ASGR2: variants seen among roughly 807,000 people sequenced by gnomAD.
The protein encoded by ASGR2 is asialoglycoprotein receptor 2, also known as C-type lectin domain family 4 member H2.
ASGR2 carries 34 observed loss-of-function variants against 32.3 expected under a neutral mutation model. The ratio of observed to expected loss-of-function variants is 1.05; its 90% confidence interval spans 0.80 to 1.40. The LOEUF (loss-of-function observed/expected upper bound fraction) is 1.40, where lower values mean the gene tolerates loss of function less well. Ranked by LOEUF, ASGR2 falls within the 40% of genes most tolerant of loss-of-function variation. The pLI is 0.00. For missense variants in ASGR2, 385 were observed against 386.4 expected (o/e 1.00, Z 0.03); for synonymous variants, 143 against 150.0 (o/e 0.95, Z 0.34).
chr17:7,108,506 A>G lies in ASGR2; in HGVS notation c.293T>C (p.Phe98Ser), dbSNP rs199742401. 188 of 1,609,606 alleles carry G rather than the reference A, an allele frequency of 1.2e-4. No homozygotes were observed. The highest frequency in any genetic ancestry group is 6.6e-4 in the Middle Eastern group (4 of 6,030). Residue 98 changes from phenylalanine to serine, a missense_variant, in exon 4 of 9, where the codon TTC becomes TCC. By Grantham distance (155) the Phe-to-Ser change is radical (BLOSUM62 -2). Coordinates refer to ENST00000691900, the MANE Select transcript of ASGR2 (RefSeq NM_001201352.2). The surrounding 1 kb of genome is among the most constrained non-coding windows in gnomAD (Gnocchi z 4.9). ...GACCTCCGTCAGGGTGCTCGAGGAG[A>G]AGTTGCTGAAAGCTTCCTTCAGGCT... is the stretch of plus-strand genomic sequence containing the variant. ...LRSLKEAFSN[F>S]SSSTLTEVQA...
At position 7,108,664 on chromosome 17, in the gene ASGR2, C is replaced by T; in HGVS notation, c.242-107G>A. The stretch of plus-strand genomic sequence containing the variant: ...CCCGCATTTGCCCCAGCTTGTGCTC[C>T]ACCCCGCCTCCATCCCTTCCCCTCC... On this transcript the variant is annotated intron_variant, in intron 3 of 8. Coordinates refer to ENST00000691900, the MANE Select transcript of ASGR2 (RefSeq NM_001201352.2). The surrounding 1 kb of genome is among the most constrained non-coding windows in gnomAD (Gnocchi z 4.9). 3 of 1,602,852 alleles carry T rather than the reference C, an allele frequency of 1.9e-6. No homozygotes were observed. The South Asian group carries it at 3.3e-5, about 18-fold the overall frequency.
At position 7,107,582 on chromosome 17, in the gene ASGR2, CAG is replaced by C; in HGVS notation, c.409+252_409+253del. On this transcript the variant is annotated intron_variant, in intron 5 of 8. Coordinates refer to ENST00000691900, the MANE Select transcript of ASGR2 (RefSeq NM_001201352.2). This position sits in a 1 kb window ranked among gnomAD's most constrained non-coding sequence, Gnocchi z 5.0. ...ACACATATACCATACCGCACACACA[CAG>C]ACTCATCTCACACACACCACCACAC... The C allele has an allele frequency of 1.6e-6, 1 of 641,040 alleles. No individual in the cohort carries two copies. Among genetic ancestry groups the C allele is most frequent in the Non-Finnish European group, 2.8e-6 (1 of 362,232 alleles). 39.7% of individuals were successfully genotyped at this position (641,040 alleles called of 1,614,324 possible).
Position 7,113,707 on chromosome 17 carries a change from C to CACACA in ASGR2, c.124+409_124+410insTGTGT, listed in dbSNP as rs751061543. On this transcript the variant is annotated intron_variant, in intron 2 of 8. Coordinates refer to ENST00000691900, the MANE Select transcript of ASGR2 (RefSeq NM_001201352.2). This position sits in a 1 kb window ranked among gnomAD's most constrained non-coding sequence, Gnocchi z 5.1. ...TCACACAACATACACACACAACACA[C>CACACA]TCTCACACACAACATACCCTCTCAC... 0.022 allele frequency among the ~76,000 whole-genome samples: 2,646 copies of CACACA among 122,154 alleles called. 32 individuals are homozygous for CACACA. The highest frequency in any genetic ancestry group is 0.034 in the East Asian group (127 of 3,788). The allele number at this position is 122,154 out of a possible 152,430, so 80.1% of individuals were successfully genotyped here.
At position 7,108,888 on chromosome 17, in the gene ASGR2, C is replaced by T; in HGVS notation, c.125G>A (p.Gly42Glu). 6.4e-7 allele frequency: 1 copy of T among 1,572,926 alleles called. No individual in the cohort carries two copies. Among genetic ancestry groups the T allele is most frequent in the Non-Finnish European group, 8.6e-7 (1 of 1,159,884 alleles). ...NPRRGNPFLK[G>E]PPPAQPLAQR... Reference sequence around the variant, plus strand: ...TGCCAGGGGCTGGGCAGGAGGTGGCCCTGTGGGAGAGGGGCATCAGGAGCC... The same window carrying T: ...TGCCAGGGGCTGGGCAGGAGGTGGCTCTGTGGGAGAGGGGCATCAGGAGCC... The change falls in exon 3 of 9, where the codon GGG (glycine) becomes GAG (glutamate). Residue 42 changes from glycine to glutamate, a missense_variant and splice_region_variant. Transcript: ENST00000691900. The surrounding 1 kb of genome is among the most constrained non-coding windows in gnomAD (Gnocchi z 4.9).
At chr17:7,112,247 C>T (rs1914797975) in intron 2 of ASGR2, among the ~76,000 whole-genome samples, 1 of 150,982 alleles carries the variant, frequency 6.6e-6, no homozygotes, top group Non-Finnish European at 1.5e-5. Context: ...AAGGGGGTAG[C>T]AGAAAAAAAT....
rs1914060115 is a variant in ASGR2, at chr17:7,107,907, C to T, written c.338G>A (p.Gly113Glu). 2 of 1,613,806 alleles carry T rather than the reference C, an allele frequency of 1.2e-6. No individual in the cohort carries two copies. The highest frequency in any genetic ancestry group is 1.7e-5 in the Admixed American group (1 of 59,984). ...LTEVQAISTHGGSVGDKITSL... is the reference protein window; with the variant it reads ...LTEVQAISTHEGSVGDKITSL... ...TGTGATCTTGTCACCCACGCTGCCTCCTGGAAGCGGAAAGCCAGCTGTTTC... is the reference window on the plus strand; with the variant it reads ...TGTGATCTTGTCACCCACGCTGCCTTCTGGAAGCGGAAAGCCAGCTGTTTC... Residue 113 changes from glycine to glutamate, a missense_variant and splice_region_variant, in exon 5 of 9, where the codon GGA becomes GAA. Physicochemically the swap from Gly to Glu is moderately conservative, Grantham distance 98. Transcript: ENST00000691900. The surrounding 1 kb of genome is among the most constrained non-coding windows in gnomAD (Gnocchi z 5.0).
chr17:7,110,472 A>G (rs55946648), intron 2 of ASGR2, among the ~76,000 whole-genome samples: 3,364 of 152,154 alleles, frequency 0.022, 60 homozygotes, highest in Non-Finnish European at 0.03. Flanking sequence ...TCAACTCCCA[A>G]TGCTGGGTCA....
Position 7,108,030 on chromosome 17 carries a change from A to G in ASGR2, c.338-123T>C. The G allele has an allele frequency of 9.6e-7, 1 of 1,040,728 alleles. No homozygotes were observed. The highest frequency in any genetic ancestry group is 1.4e-6 in the Non-Finnish European group (1 of 711,482). The allele number at this position is 1,040,728 out of a possible 1,614,324, so 64.5% of individuals were successfully genotyped here. On this transcript the variant is annotated intron_variant, in intron 4 of 8. Coordinates refer to ENST00000691900, the MANE Select transcript of ASGR2 (RefSeq NM_001201352.2). This position sits in a 1 kb window ranked among gnomAD's most constrained non-coding sequence, Gnocchi z 4.9. ...CGTCCACCTCCTGGCTTCCTGGACC[A>G]CACCCAGGCTCCCTGCACTGCCACA...
rs1289555423 is a variant in ASGR2 at position 7,113,654 on chromosome 17, TCACA to T, written c.124+459_124+462del. Among the ~76,000 whole-genome samples the T allele has an allele frequency of 2.0e-5, 3 of 147,058 alleles. No homozygotes were observed. The highest frequency in any genetic ancestry group is 2.1e-4 in the South Asian group (1 of 4,652). On this transcript the variant is annotated intron_variant, in intron 2 of 8. Coordinates refer to ENST00000691900, the MANE Select transcript of ASGR2 (RefSeq NM_001201352.2). This position sits in a 1 kb window ranked among gnomAD's most constrained non-coding sequence, Gnocchi z 5.1. ...TACACACACAACACACAACATACACTCACACACAAGATACACACAACATATACTC... is the reference window on the plus strand; with the variant it reads ...TACACACACAACACACAACATACACTCACAAGATACACACAACATATACTC...
chr17:7,114,321 G>A lies in ASGR2; in HGVS notation c.-70-11C>T, dbSNP rs1915197214. On this transcript the variant is annotated splice_polypyrimidine_tract_variant and intron_variant, in intron 1 of 8. Coordinates refer to ENST00000691900, the MANE Select transcript of ASGR2 (RefSeq NM_001201352.2). This position sits in a 1 kb window ranked among gnomAD's most constrained non-coding sequence, Gnocchi z 4.5. ...CTCTGAGGGCTGGGGCTGGGGCAGA[G>A]GTGCAGATTCACGTGGAGGTTGATG... 3 of 1,565,198 alleles carry A rather than the reference G, an allele frequency of 1.9e-6. No homozygotes were observed. Among genetic ancestry groups the A allele is most frequent in the Non-Finnish European group, 2.6e-6 (3 of 1,159,600 alleles).
In ASGR2 at chr17:7,107,464, CAT is replaced by C; in HGVS notation, c.410-149_410-148del. 1 of 784,410 alleles carries C rather than the reference CAT, an allele frequency of 1.3e-6. No individual in the cohort carries two copies. The highest frequency in any genetic ancestry group is 1.7e-5 in the South Asian group (1 of 60,218). 48.6% of individuals were successfully genotyped at this position (784,410 alleles called of 1,614,324 possible). On this transcript the variant is annotated intron_variant, in intron 5 of 8. Transcript: ENST00000691900. This position sits in a 1 kb window ranked among gnomAD's most constrained non-coding sequence, Gnocchi z 5.0. ...CACCATACCACACACACACCACAGA[CAT>C]GTACACCACACATAGACCACACCAC...
At chr17:7,103,092 A>T (rs1913092703) in intron 7 of ASGR2, among the ~76,000 whole-genome samples, 3 of 152,108 alleles carry the variant, frequency 2.0e-5, no homozygotes, top group Admixed American at 6.6e-5. Flanking sequence ...TTTTGTGGAG[A>T]AAGTGGAGAG....
Position 7,110,653 on chromosome 17 carries a change from G to A in ASGR2, c.125-1765C>T, listed in dbSNP as rs939146119. Among the ~76,000 whole-genome samples the A allele has an allele frequency of 3.3e-5, 5 of 152,168 alleles. No homozygotes were observed. The South Asian group carries it at 6.2e-4, about 19-fold the overall frequency. On this transcript the variant is annotated intron_variant, in intron 2 of 8. Transcript: ENST00000691900. ...TCGTAGCTACCCGATTGGATTGCTC[G>A]GATAATTAGATGAGTTAAAATATGT... is the stretch of plus-strand genomic sequence containing the variant.
Position 7,101,706 on chromosome 17 carries a change from C to T in ASGR2, c.790G>A (p.Gly264Arg), listed in dbSNP as rs144253358. 33 of 1,614,036 alleles carry T rather than the reference C, an allele frequency of 2.0e-5. No homozygotes were observed. Among genetic ancestry groups the T allele is most frequent in the Admixed American group, 6.7e-5 (4 of 60,012 alleles). Residue 264 changes from glycine (G) to arginine (R), a missense_variant, in exon 9 of 9, where the codon GGG (glycine) becomes AGG (arginine). By Grantham distance (125) the Gly-to-Arg change is moderately radical. Transcript: ENST00000691900. ...TCTTCACTTCCACCCAGCTCGTGCCCGTGCCAATTATCTGGCTGAGTGACA... is the reference window on the plus strand; with the variant it reads ...TCTTCACTTCCACCCAGCTCGTGCCTGTGCCAATTATCTGGCTGAGTGACA... Reference protein sequence around the residue: ...WAVTQPDNWHGHELGGSEDCV... With the variant: ...WAVTQPDNWHRHELGGSEDCV...
chr17:7,103,926 C>T (rs540756625), intron 7 of ASGR2, among the ~76,000 whole-genome samples: 24 of 151,650 alleles, frequency 1.6e-4, no homozygotes, highest in African/African-American at 4.1e-4. Flanking sequence ...TGCTCTCCCT[C>T]CCCGCTCCCA....
chr17:7,114,820 A>C lies in ASGR2; in HGVS notation c.-276T>G, dbSNP rs1915268011. 1 of 988,360 alleles carries C rather than the reference A, an allele frequency of 1.0e-6. No homozygotes were observed. The highest frequency in any genetic ancestry group is 1.2e-6 in the Non-Finnish European group (1 of 831,946). The allele number at this position is 988,360 out of a possible 1,614,324, so 61.2% of individuals were successfully genotyped here. A position where few individuals can be genotyped will look rare whatever the true frequency, so the allele number is the denominator to read the frequency against. ...CACCTCCTGGCCTGGGACTTTGGAC[A>C]GTAAACAGAAGAGGAAACAGAGCTG... On this transcript the variant is annotated 5_prime_UTR_variant, in exon 1 of 9. Coordinates refer to ENST00000691900, the MANE Select transcript of ASGR2 (RefSeq NM_001201352.2). This position sits in a 1 kb window ranked among gnomAD's most constrained non-coding sequence, Gnocchi z 4.5.
At position 7,114,356 on chromosome 17, in the gene ASGR2, A is replaced by C; in HGVS notation, c.-70-46T>G. On this transcript the variant is annotated intron_variant, in intron 1 of 8. Transcript: ENST00000691900. This position sits in a 1 kb window ranked among gnomAD's most constrained non-coding sequence, Gnocchi z 4.5. ...CACGTGGAGGTTGATGGTGGGATGG[A>C]ACGCAGGGTCGGAGGGGTTCGGGGT... The C allele has an allele frequency of 7.2e-7, 1 of 1,383,638 alleles. No homozygotes were observed. The highest frequency in any genetic ancestry group is 1.3e-5 in the South Asian group (1 of 74,266). 85.7% of individuals were successfully genotyped at this position (1,383,638 alleles called of 1,614,324 possible). A position where few individuals can be genotyped will look rare whatever the true frequency, so the allele number is the denominator to read the frequency against.
At position 7,114,088 on chromosome 17, in the gene ASGR2, G is replaced by T. The variant is rs1039114332; in HGVS notation, c.124+29C>A. On this transcript the variant is annotated intron_variant, in intron 2 of 8. Coordinates refer to ENST00000691900, the MANE Select transcript of ASGR2 (RefSeq NM_001201352.2). The surrounding 1 kb of genome is among the most constrained non-coding windows in gnomAD (Gnocchi z 4.5). Reference sequence around the variant, plus strand: ...GCAATCATGAGCTGAGACAGAGGGGGAGCAAAGCCGCAGAAACTGCACACT... The same window carrying T: ...GCAATCATGAGCTGAGACAGAGGGGTAGCAAAGCCGCAGAAACTGCACACT... The T allele has an allele frequency of 1.9e-6, 3 of 1,613,474 alleles. No homozygotes were observed. Among genetic ancestry groups the T allele is most frequent in the Non-Finnish European group, 2.5e-6 (3 of 1,179,740 alleles).
chr17:7,111,666 AAAAAG>A (rs1407906893), intron 2 of ASGR2, among the ~76,000 whole-genome samples: 3 of 150,926 alleles, frequency 2.0e-5, no homozygotes, highest in African/African-American at 4.9e-5. Flanking sequence ...CAAAAAAAAA[AAAAAG>A]AAAAGAAAGA....
Sources: gnomAD v4.1 joint callset for allele counts (sites outside exome capture counted in the v4.1 genomes callset) on GRCh38, gnomAD v4.1.1 for gene constraint, Gnocchi (gnomAD v3.1) non-coding constraint, MANE v1.5 for transcripts, NCBI Gene and HGNC (gene_info 2026-07-23, HGNC 2026-07-21) for gene names.